DAB1: variants seen among roughly 807,000 people sequenced by gnomAD.
DAB1 encodes the protein disabled homolog 1.
Under a neutral mutation model 64.6 loss-of-function variants are expected in DAB1, and 15 were observed. That is an observed-to-expected ratio of 0.23 (90% CI 0.16 to 0.36). The LOEUF (loss-of-function observed/expected upper bound fraction) is 0.36, where lower values mean the gene tolerates loss of function less well. DAB1 is among the 10% of genes least tolerant of loss of function. The pLI, the probability that DAB1 is intolerant of heterozygous loss-of-function variation, is 1.00. For missense variants in DAB1, 596 were observed against 706.7 expected (o/e 0.84, Z 1.78); for synonymous variants, 235 against 251.9 (o/e 0.93, Z 0.64).
chr1:57,586,314 C>T (rs1645379919), intron 7 of DAB1, among the ~76,000 whole-genome samples: 1 of 152,156 alleles, frequency 6.6e-6, no homozygotes, highest in African/African-American at 2.4e-5. Flanking sequence ...CTCCTGAAGC[C>T]CAAGGCTGGG....
rs562801882 is a variant in DAB1 at position 57,113,294 on chromosome 1, G to C, written c.306+23249C>G. 2.0e-5 allele frequency among the ~76,000 whole-genome samples: 3 copies of C among 152,238 alleles called. No individual in the cohort carries two copies. The East Asian group carries it at 5.8e-4, about 29-fold the overall frequency. Reference sequence around the variant, plus strand: ...ATCCTTTTAGAAATCCTATAAAATAGGTATTATTATCTCCATTTTATAGGT... The same window carrying C: ...ATCCTTTTAGAAATCCTATAAAATACGTATTATTATCTCCATTTTATAGGT... On this transcript the variant is annotated intron_variant, in intron 4 of 14. Coordinates refer to ENST00000371236, the MANE Select transcript of DAB1 (RefSeq NM_001365792.1).
chr1:58,476,172 C>A (rs1477688463), intron 3 of DAB1, among the ~76,000 whole-genome samples: 1 of 152,108 alleles, frequency 6.6e-6, no homozygotes, highest in African/African-American at 2.4e-5. Flanking sequence ...AAGAGCTTAA[C>A]TAAAAATTTT....
chr1:57,163,127 A>T (rs1660912005), intron 2 of DAB1, among the ~76,000 whole-genome samples: 1 of 152,236 alleles, frequency 6.6e-6, no homozygotes, highest in Admixed American at 6.5e-5. Context: ...CATGAACCAG[A>T]GGGAGGAAGC....
intron 1 of DAB1, among the ~76,000 whole-genome samples, chr1:57,357,057 AACAGTGCCTGGC>A: frequency 6.6e-6 from 1 of 152,174 alleles, no homozygotes; most frequent in South Asian, 2.1e-4. Context: ...AAGTCATTAG[AACAGTGCCTGGC>A]ACACAGTACA....
Position 57,378,327 on chromosome 1 carries a change from T to C in DAB1, c.-137+45603A>G, listed in dbSNP as rs149085458. On this transcript the variant is annotated intron_variant, in intron 1 of 14. Transcript: ENST00000371236. The stretch of plus-strand genomic sequence containing the variant: ...GTTTAGCATTAAAAACAAAAGCTAG[T>C]AATATTCTGCCCCTGTCTAAAGATG... Among the ~76,000 whole-genome samples the C allele has an allele frequency of 6.0e-4, 91 of 152,312 alleles. 1 individual carries two copies. The highest frequency in any genetic ancestry group is 3.4e-3 in the Middle Eastern group (1 of 292).
At chr1:57,963,433 T>C (rs1190852155) in intron 5 of DAB1, among the ~76,000 whole-genome samples, 1 of 152,236 alleles carries the variant, frequency 6.6e-6, no homozygotes, top group Non-Finnish European at 1.5e-5. Flanking sequence ...CATTTACCAA[T>C]CACGGTGCAC....
At chr1:58,150,938 C>T (rs1034027427) in intron 4 of DAB1, among the ~76,000 whole-genome samples, 53 of 152,000 alleles carry the variant, frequency 3.5e-4, no homozygotes, top group African/African-American at 8.2e-4. Flanking sequence ...TGAGAACATG[C>T]GGTATTTGGT....
At chr1:57,654,015 T>A in intron 6 of DAB1, among the ~76,000 whole-genome samples, 1 of 152,210 alleles carries the variant, frequency 6.6e-6, no homozygotes, top group East Asian at 1.9e-4. Flanking sequence ...TAAACATTTT[T>A]CCAATTTGAT....
At chr1:58,014,175 T>C (rs1273461325) in intron 5 of DAB1, among the ~76,000 whole-genome samples, 1 of 152,120 alleles carries the variant, frequency 6.6e-6, no homozygotes, top group Non-Finnish European at 1.5e-5. Context: ...GAATTGGGAG[T>C]ACAAGGTTTT....
chr1:57,529,122 C>T lies in DAB1; in HGVS notation n.625+120470G>A, dbSNP rs549780990. ...GAATTATACAATTACTGAGTTATTA[C>T]ATTATTCACAAAGTAGCACAATATA... On this transcript the variant is annotated intron_variant and non_coding_transcript_variant, in intron 7 of 20. Coordinates refer to the DAB1 transcript ENST00000485760. Among the ~76,000 whole-genome samples, 4 of 78,576 alleles carry T rather than the reference C, an allele frequency of 5.1e-5. No homozygotes were observed. The East Asian group carries it at 1.3e-3, about 26-fold the overall frequency. 51.5% of individuals were successfully genotyped at this position (78,576 alleles called of 152,430 possible).
intron 2 of DAB1, among the ~76,000 whole-genome samples, chr1:57,194,124 A>C (rs1664412940): frequency 2.0e-5 from 3 of 152,216 alleles, no homozygotes; most frequent in Admixed American, 2.0e-4. Flanking sequence ...CTCAAACTTG[A>C]GTGTGCATTA....
At chr1:57,625,546 G>C (rs1645912711) in intron 7 of DAB1, among the ~76,000 whole-genome samples, 1 of 152,192 alleles carries the variant, frequency 6.6e-6, no homozygotes, top group Non-Finnish European at 1.5e-5. Flanking sequence ...GCAAAACAGT[G>C]TTTAGCACTG....
chr1:57,724,743 T>C (rs1462473699), intron 6 of DAB1, among the ~76,000 whole-genome samples: 1 of 152,194 alleles, frequency 6.6e-6, no homozygotes, highest in Non-Finnish European at 1.5e-5. Flanking sequence ...CCCAGCCTCC[T>C]GCTGGTCAAG....
rs144417016 is a variant in DAB1, at chr1:58,401,226, T to G, written n.258-57823A>C. Among the ~76,000 whole-genome samples the G allele has an allele frequency of 9.2e-5, 14 of 152,334 alleles. No homozygotes were observed. The East Asian group carries it at 2.5e-3, about 27-fold the overall frequency. On this transcript the variant is annotated intron_variant and non_coding_transcript_variant, in intron 3 of 20. Transcript: ENST00000485760. The stretch of plus-strand genomic sequence containing the variant: ...CTTCCCGTGTCCTGGAAGACCCAAG[T>G]GTGATCTTCCCATTGCCTCCACCCT...
chr1:57,352,513 G>T (rs778875811), intron 1 of DAB1, among the ~76,000 whole-genome samples: 1 of 152,112 alleles, frequency 6.6e-6, no homozygotes, highest in Non-Finnish European at 1.5e-5. Flanking sequence ...AGTTTACTGA[G>T]CACTTGCTAT....
intron 2 of DAB1, among the ~76,000 whole-genome samples, chr1:57,204,914 C>CAATAGCTTTAA (rs1169076987): frequency 6.6e-6 from 1 of 152,082 alleles, no homozygotes; most frequent in Non-Finnish European, 1.5e-5. Context: ...ATTGAAATAC[C>CAATAGCTTTAA]AATAGCAATA....
intron 5 of DAB1, among the ~76,000 whole-genome samples, chr1:58,013,558 C>T (rs1283206475): frequency 6.6e-6 from 1 of 152,200 alleles, no homozygotes; most frequent in Non-Finnish European, 1.5e-5. Context: ...GAGTGGTCAT[C>T]CCTAGCAAAG....
intron 1 of DAB1, among the ~76,000 whole-genome samples, chr1:58,528,917 T>C (rs1269186702): frequency 6.6e-6 from 1 of 152,202 alleles, no homozygotes; most frequent in Admixed American, 6.5e-5. Flanking sequence ...TACAGTGAAG[T>C]GGCAGAATTT....
chr1:57,503,237 T>G (rs1255486149), intron 7 of DAB1, among the ~76,000 whole-genome samples: 1 of 152,244 alleles, frequency 6.6e-6, no homozygotes, highest in African/African-American at 2.4e-5. Flanking sequence ...GATCTTCTCC[T>G]TAGAGCATTC....
Sources: allele counts gnomAD v4.1 joint callset (sites outside exome capture counted in the v4.1 genomes callset), GRCh38; gene constraint gnomAD v4.1.1; transcripts MANE v1.5; gene names NCBI Gene and HGNC (gene_info 2026-07-23, HGNC 2026-07-21).